Variants in FHAD1 observed in about 807,000 individuals in gnomAD.
The protein encoded by FHAD1 is forkhead-associated domain-containing protein 1.
FHAD1 carries 146 observed loss-of-function variants against 191.3 expected under a neutral mutation model. The ratio of observed to expected loss-of-function variants is 0.76; its 90% CI spans 0.67 to 0.88. FHAD1 has a LOEUF of 0.88. FHAD1 is among the 40% of genes least tolerant of loss of function. FHAD1 has a pLI of 0.00. For missense variants in FHAD1, 1,635 were observed against 1,785.8 expected (o/e 0.92, Z 1.52); for synonymous variants, 616 against 672.3 (o/e 0.92, Z 1.29).
chr1:15,323,626 A>G (rs1677118723), intron 10 of FHAD1, among the ~76,000 whole-genome samples: 1 of 152,178 alleles, frequency 6.6e-6, no homozygotes, highest in South Asian at 2.1e-4. Flanking sequence ...AGTTTGTCTC[A>G]TTTCCTGCAA....
intron 23 of FHAD1, among the ~76,000 whole-genome samples, chr1:15,364,586 G>A (rs1695826894): frequency 6.6e-6 from 1 of 152,000 alleles, no homozygotes; most frequent in African/African-American, 2.4e-5. Flanking sequence ...CTCCAGCCTG[G>A]GCGACAGAGC....
chr1:15,345,459 A>G lies in FHAD1; in HGVS notation c.2282A>G (p.Glu761Gly), dbSNP rs1688519220. 6.4e-7 allele frequency: 1 copy of G among 1,552,396 alleles called. No homozygotes were observed. The highest frequency in any genetic ancestry group is 8.7e-7 in the Non-Finnish European group (1 of 1,147,146). Residue 761 changes from glutamate to glycine, a missense_variant, in exon 18 of 34, where the codon GAA becomes GGA. Transcript: ENST00000688493. ...SITQEKNRVKEALEEEQTRVQ... is the reference protein window; with the variant it reads ...SITQEKNRVKGALEEEQTRVQ... ...ACCCAGGAGAAGAACAGAGTGAAGG[A>G]AGCATTAGAGGAAGAGCAGACAAGA...
At position 15,329,195 on chromosome 1, in the gene FHAD1, A is replaced by T. The variant is rs1680199226; in HGVS notation, c.1711-151A>T. 3 of 583,226 alleles carry T rather than the reference A, an allele frequency of 5.1e-6. No individual in the cohort carries two copies. The highest frequency in any genetic ancestry group is 8.6e-6 in the Non-Finnish European group (3 of 347,042). The allele number at this position is 583,226 out of a possible 1,614,324, so 36.1% of individuals were successfully genotyped here. On this transcript the variant is annotated intron_variant, in intron 13 of 33. Coordinates refer to ENST00000688493, the MANE Select transcript of FHAD1 (RefSeq NM_001391957.1). The surrounding 1 kb of genome is among the most constrained non-coding windows in gnomAD (Gnocchi z 5.0). ...AAACCTGTCAAAACATAAAAATTTTAAAAAAGAAAAAAACTGAGTCCTCCC... is the reference window on the plus strand; with the variant it reads ...AAACCTGTCAAAACATAAAAATTTTTAAAAAGAAAAAAACTGAGTCCTCCC...
chr1:15,347,335 G>A (rs1249893280), intron 18 of FHAD1, among the ~76,000 whole-genome samples: 1 of 152,226 alleles, frequency 6.6e-6, no homozygotes, highest in African/African-American at 2.4e-5. Context: ...CATTGCAGAG[G>A]ATCTGTGGTT....
intron 2 of FHAD1, among the ~76,000 whole-genome samples, chr1:15,257,493 C>A (rs957132412): frequency 1.2e-4 from 18 of 152,360 alleles, no homozygotes; most frequent in African/African-American, 4.3e-4. Flanking sequence ...GGATGTCCAG[C>A]CACCTGCTGT....
rs371051494 is a variant in FHAD1 at position 15,289,330 on chromosome 1, G to T, written c.301-69G>T. On this transcript the variant is annotated intron_variant, in intron 3 of 33. Transcript: ENST00000688493. The surrounding 1 kb of genome is among the most constrained non-coding windows in gnomAD (Gnocchi z 4.2). ...CAAGACCTTGGGCAGCAATGCTGTG[G>T]CTGGGACAAAGAAATGGAGACCATC... is the stretch of plus-strand genomic sequence containing the variant. The T allele has an allele frequency of 2.3e-5, 34 of 1,510,086 alleles. No individual in the cohort carries two copies. In the African/African-American group the frequency reaches 4.0e-4, roughly 18 times the overall value. The allele number at this position is 1,510,086 out of a possible 1,614,324, so 93.5% of individuals were successfully genotyped here. A position where few individuals can be genotyped will look rare whatever the true frequency, so the allele number is the denominator to read the frequency against.
chr1:15,304,102 T>A (rs973304620), intron 6 of FHAD1, among the ~76,000 whole-genome samples: 3 of 152,228 alleles, frequency 2.0e-5, no homozygotes, highest in Admixed American at 2.0e-4. Context: ...TCTGATTACT[T>A]TATTCTCCTG....
In FHAD1 at chr1:15,327,270, A is replaced by G; in HGVS notation, c.1557+128A>G. 1.6e-6 allele frequency: 1 copy of G among 613,892 alleles called. No homozygotes were observed. The highest frequency in any genetic ancestry group is 2.9e-6 in the Non-Finnish European group (1 of 345,716). The allele number at this position is 613,892 out of a possible 1,614,324, so 38.0% of individuals were successfully genotyped here. A position where few individuals can be genotyped will look rare whatever the true frequency, so the allele number is the denominator to read the frequency against. On this transcript the variant is annotated intron_variant, in intron 12 of 33. Coordinates refer to ENST00000688493, the MANE Select transcript of FHAD1 (RefSeq NM_001391957.1). This position sits in a 1 kb window ranked among gnomAD's most constrained non-coding sequence, Gnocchi z 5.1. ...GTGGCATATTTTTCACACTGTTGCT[A>G]CACCATAAAGATTTGTTTTGATTTT...
At chr1:15,259,573 G>A (rs1027257774) in intron 2 of FHAD1, among the ~76,000 whole-genome samples, 2 of 152,186 alleles carry the variant, frequency 1.3e-5, no homozygotes, top group Non-Finnish European at 1.5e-5. Flanking sequence ...ATCGGTAGTG[G>A]GAAATCCCAC....
chr1:15,388,770 G>A (rs530334438), intron 32 of FHAD1, among the ~76,000 whole-genome samples: 6 of 152,118 alleles, frequency 3.9e-5, no homozygotes, highest in South Asian at 2.1e-4. Context: ...ATGGATGCTC[G>A]TAAGTGCTCT....
chr1:15,292,579 C>A (rs1289025608), intron 4 of FHAD1, among the ~76,000 whole-genome samples: 7 of 152,198 alleles, frequency 4.6e-5, no homozygotes, highest in Non-Finnish European at 1.0e-4. Context: ...AGGTGATCCA[C>A]CCGCCTTTAA....
intron 26 of FHAD1, among the ~76,000 whole-genome samples, chr1:15,371,504 C>T (rs1318800567): frequency 2.0e-5 from 3 of 152,170 alleles, no homozygotes; most frequent in Non-Finnish European, 4.4e-5. Context: ...CTCATCCTCT[C>T]CAAATAAATA....
intron 1 of FHAD1, 81 bp from the exon 2 acceptor site, chr1:15,251,690 T>C: frequency 9.2e-7 from 1 of 1,087,252 alleles, no homozygotes; most frequent in Non-Finnish European, 1.3e-6. Flanking sequence ...TGTGGTTATT[T>C]CATTCATTTT....
rs1341033640 is a variant in FHAD1, at chr1:15,367,628, G to A, written c.3314+6G>A. 6.5e-7 allele frequency: 1 copy of A among 1,540,928 alleles called. No homozygotes were observed. Among genetic ancestry groups the A allele is most frequent in the Non-Finnish European group, 8.7e-7 (1 of 1,143,518 alleles). On this transcript the variant is annotated splice_donor_region_variant and intron_variant, in intron 25 of 33. Transcript: ENST00000688493. ...GCCCTTGAGGAGGCACTCAGGTTGG[G>A]TGGGCGGGGGCCGGGTTGGGGGGAT...
intron 6 of FHAD1, among the ~76,000 whole-genome samples, chr1:15,303,404 C>T (rs941744085): frequency 6.6e-6 from 1 of 152,232 alleles, no homozygotes; most frequent in African/African-American, 2.4e-5. Context: ...CATTTCAGAG[C>T]TTTCCTGCAC....
At chr1:15,342,127 C>A (rs1473279666) in intron 16 of FHAD1, among the ~76,000 whole-genome samples, 1 of 152,140 alleles carries the variant, frequency 6.6e-6, no homozygotes, top group Non-Finnish European at 1.5e-5. Flanking sequence ...GGAAACGGTG[C>A]CTTGTTTGTG....
chr1:15,308,378 G>C (rs556031656), intron 6 of FHAD1, among the ~76,000 whole-genome samples: 1 of 152,168 alleles, frequency 6.6e-6, no homozygotes, highest in Admixed American at 6.5e-5. Flanking sequence ...AGCCAGGCCT[G>C]GGCCCCTTTA....
rs750622362 is a variant in FHAD1 at position 15,329,513 on chromosome 1, C to T, written c.1878C>T (p.Leu626=). 9.0e-6 allele frequency: 14 copies of T among 1,550,678 alleles called. No homozygotes were observed. Among genetic ancestry groups the T allele is most frequent in the African/African-American group, 6.8e-5 (5 of 73,020 alleles). Residue 626 remains leucine (L), a synonymous_variant, in exon 14 of 34, where the codon CTC becomes CTT. Transcript: ENST00000688493. This position sits in a 1 kb window ranked among gnomAD's most constrained non-coding sequence, Gnocchi z 5.0. ...LEEVEQLLRD[L]GILPSSPNKG... is the part of the protein sequence containing the mutation. ...AGGTGGAGCAGCTCCTCCGGGACCT[C>T]GGGATCCTGCCCTCCAGCCCCAACA...
rs186031323 is a variant in FHAD1, at chr1:15,332,872, C to A, written c.1906+3331C>A. 3.3e-5 allele frequency among the ~76,000 whole-genome samples: 5 copies of A among 152,312 alleles called. No individual in the cohort carries two copies. The East Asian group carries it at 5.8e-4, about 18-fold the overall frequency. ...GATTTGAACAACATTAAGCAGGTTTCTGCAGAATCCCTCCCTTGTTAACAC... is the reference window on the plus strand; with the variant it reads ...GATTTGAACAACATTAAGCAGGTTTATGCAGAATCCCTCCCTTGTTAACAC... On this transcript the variant is annotated intron_variant, in intron 14 of 33. Transcript: ENST00000688493.
Sources: gnomAD v4.1 joint callset for allele counts (sites outside exome capture counted in the v4.1 genomes callset) on GRCh38, gnomAD v4.1.1 for gene constraint, Gnocchi (gnomAD v3.1) non-coding constraint, MANE v1.5 for transcripts, NCBI Gene and HGNC (gene_info 2026-07-23, HGNC 2026-07-21) for gene names.